The following TAOK3 variants were observed in gnomAD, a reference collection of about 807,000 sequenced individuals.
TAOK3 encodes TAO kinase 3, also known as serine/threonine-protein kinase TAO3.
A neutral mutation model predicts 120.4 loss-of-function variants in TAOK3; 40 were observed. The ratio of observed to expected loss-of-function variants is 0.33; its 90% CI spans 0.26 to 0.43. The LOEUF (loss-of-function observed/expected upper bound fraction) is 0.43. Among genes scored for constraint, TAOK3 ranks in the 20% least tolerant of loss-of-function variants. TAOK3 has a pLI of 1.00. For missense variants in TAOK3, 821 were observed against 1,112.1 expected (o/e 0.74, Z 3.72); for synonymous variants, 355 against 387.5 (o/e 0.92, Z 0.99).
At chr12:118,165,069 A>G (rs2035496678) in intron 17 of TAOK3, among the ~76,000 whole-genome samples, 1 of 152,176 alleles carries the variant, frequency 6.6e-6, no homozygotes, top group African/African-American at 2.4e-5. Flanking sequence ...AAGTATAAAT[A>G]CAATTTAAAT....
At chr12:118,299,176 C>CA (rs2042785152) in intron 1 of TAOK3, among the ~76,000 whole-genome samples, 1 of 151,976 alleles carries the variant, frequency 6.6e-6, no homozygotes, top group African/African-American at 2.4e-5. Flanking sequence ...TATAATTATA[C>CA]AAAAAAAGTT....
At chr12:118,309,191 T>A (rs1305220360) in intron 1 of TAOK3, among the ~76,000 whole-genome samples, 1 of 151,556 alleles carries the variant, frequency 6.6e-6, no homozygotes, top group East Asian at 2.0e-4. Context: ...AAGCTGGGCG[T>A]GGTGCTGCAT....
At chr12:118,343,779 G>A (rs2044732566) in intron 1 of TAOK3, among the ~76,000 whole-genome samples, 1 of 152,044 alleles carries the variant, frequency 6.6e-6, no homozygotes, top group African/African-American at 2.4e-5. Context: ...TTGGGAGGCC[G>A]AGGCAGGTGG....
chr12:118,230,571 C>A (rs2039729039), intron 9 of TAOK3, among the ~76,000 whole-genome samples: 2 of 148,798 alleles, frequency 1.3e-5, no homozygotes, highest in Admixed American at 1.4e-4. Context: ...CAGGTTCACA[C>A]CGTTCTCCTG....
At chr12:118,261,954 G>A (rs1220626644) in intron 2 of TAOK3, among the ~76,000 whole-genome samples, 2 of 152,000 alleles carry the variant, frequency 1.3e-5, no homozygotes, top group African/African-American at 2.4e-5. Flanking sequence ...TCTGCCTCCC[G>A]GGTTCCAGCA....
chr12:118,370,751 T>A (rs2045870929), intron 1 of TAOK3, among the ~76,000 whole-genome samples: 1 of 152,204 alleles, frequency 6.6e-6, no homozygotes, highest in African/African-American at 2.4e-5. Flanking sequence ...ATTAGTTTAA[T>A]TTTCACATCC....
At chr12:118,162,479 G>A (rs1292068042) in intron 17 of TAOK3, among the ~76,000 whole-genome samples, 1 of 152,124 alleles carries the variant, frequency 6.6e-6, no homozygotes, top group Non-Finnish European at 1.5e-5. Flanking sequence ...TAACTGTCTG[G>A]GGTGGGAGCC....
intron 12 of TAOK3, 190 bp from the exon 13 acceptor site, chr12:118,199,447 T>C: frequency 1.7e-6 from 1 of 605,294 alleles, no homozygotes; most frequent in East Asian, 2.8e-5. Flanking sequence ...TTGCTTCCTA[T>C]GCCTTCCCCA....
intron 1 of TAOK3, among the ~76,000 whole-genome samples, chr12:118,324,703 T>C (rs370178210): frequency 6.7e-6 from 1 of 149,830 alleles, no homozygotes; most frequent in African/African-American, 2.4e-5. Flanking sequence ...TCCAGTCTCA[T>C]CCATGTTGTT....
At position 118,308,931 on chromosome 12, in the gene TAOK3, C is replaced by CAAAA. The variant is rs60574584; in HGVS notation, c.-193-42176_-193-42173dup. Among the ~76,000 whole-genome samples the CAAAA allele has an allele frequency of 3.7e-4, 11 of 30,058 alleles. 1 individual carries two copies. Among genetic ancestry groups the CAAAA allele is most frequent in the Non-Finnish European group, 6.0e-4 (9 of 15,044 alleles). The allele number at this position is 30,058 out of a possible 152,430, so 19.7% of individuals were successfully genotyped here. The stretch of plus-strand genomic sequence containing the variant: ...GGGAACAGCAGCGAAACTCTGTCTC[C>CAAAA]AAAAAAAAAAAAAAAAAAAAAAAAA... On this transcript the variant is annotated intron_variant, in intron 1 of 20. Coordinates refer to ENST00000392533, the MANE Select transcript of TAOK3 (RefSeq NM_016281.4).
At chr12:118,188,963 C>T (rs2037248824) in intron 14 of TAOK3, among the ~76,000 whole-genome samples, 1 of 152,146 alleles carries the variant, frequency 6.6e-6, no homozygotes, top group African/African-American at 2.4e-5. Context: ...CGCGCACGCG[C>T]ACGCGTGGGG....
intron 1 of TAOK3, among the ~76,000 whole-genome samples, chr12:118,304,842 C>A (rs921203778): frequency 6.6e-6 from 1 of 152,140 alleles, no homozygotes; most frequent in African/African-American, 2.4e-5. Context: ...CCCTCATTTT[C>A]CGTTGCTATG....
rs1012244831 is a variant in TAOK3, at chr12:118,149,930, T to C, written c.*1067A>G. Reference sequence around the variant, plus strand: ...AAAAGAAGTAAAGCCTTTTTTTTTTTCATCATTTTTTATTGTAAGAAAATA... The same window carrying C: ...AAAAGAAGTAAAGCCTTTTTTTTTTCCATCATTTTTTATTGTAAGAAAATA... On this transcript the variant is annotated 3_prime_UTR_variant, in exon 21 of 21. Coordinates refer to ENST00000392533, the MANE Select transcript of TAOK3 (RefSeq NM_016281.4). The C allele has an allele frequency of 9.2e-5, 14 of 152,232 alleles. No individual in the cohort carries two copies. Among genetic ancestry groups the C allele is most frequent in the South Asian group, 2.1e-4 (1 of 4,832 alleles). 9.4% of individuals were successfully genotyped at this position (152,232 alleles called of 1,614,324 possible). A position where few individuals can be genotyped will look rare whatever the true frequency, so the allele number is the denominator to read the frequency against.
intron 1 of TAOK3, among the ~76,000 whole-genome samples, chr12:118,342,898 C>T (rs929869302): frequency 7.1e-6 from 1 of 140,616 alleles, no homozygotes; most frequent in African/African-American, 2.7e-5. Context: ...CCTGCCATTG[C>T]ACTCCAGCCT....
At chr12:118,287,668 T>C (rs2042313486) in intron 1 of TAOK3, among the ~76,000 whole-genome samples, 1 of 152,232 alleles carries the variant, frequency 6.6e-6, no homozygotes, top group Non-Finnish European at 1.5e-5. Flanking sequence ...AGACAATTTC[T>C]AAGTTTCATT....
intron 5 of TAOK3, among the ~76,000 whole-genome samples, 189 bp downstream of exon 5, chr12:118,243,226 G>T (rs890031843): frequency 6.6e-6 from 1 of 152,004 alleles, no homozygotes; most frequent in Non-Finnish European, 1.5e-5. Flanking sequence ...TAATAGGCTA[G>T]ATATCATTTA....
At position 118,201,628 on chromosome 12, in the gene TAOK3, T is replaced by A. The variant is rs553025960; in HGVS notation, c.820-165A>T. ...TGTGTCCTTCCATATTTTGTAAATC[T>A]CATAAAGAGATAGCTATGCTTTTTT... On this transcript the variant is annotated intron_variant, in intron 11 of 20. Coordinates refer to ENST00000392533, the MANE Select transcript of TAOK3 (RefSeq NM_016281.4). 3.3e-5 allele frequency among the ~76,000 whole-genome samples: 5 copies of A among 152,332 alleles called. No individual in the cohort carries two copies. The South Asian group carries it at 8.3e-4, about 25-fold the overall frequency.
At chr12:118,173,503 G>A (rs1201482672) in intron 16 of TAOK3, among the ~76,000 whole-genome samples, 1 of 152,244 alleles carries the variant, frequency 6.6e-6, no homozygotes, top group Non-Finnish European at 1.5e-5. Flanking sequence ...GTCCAGGCAA[G>A]AGAGATGGTA....
chr12:118,272,013 A>G (rs1441283821), intron 1 of TAOK3, among the ~76,000 whole-genome samples: 2 of 152,256 alleles, frequency 1.3e-5, no homozygotes, highest in Non-Finnish European at 2.9e-5. Context: ...AGCACGGAGT[A>G]GAAGATTTCA....
Sources: gnomAD v4.1 joint callset for allele counts (sites outside exome capture counted in the v4.1 genomes callset) on GRCh38, gnomAD v4.1.1 for gene constraint, MANE v1.5 for transcripts, NCBI Gene and HGNC (gene_info 2026-07-23, HGNC 2026-07-21) for gene names.